The following MYO10 variants were observed in gnomAD, a reference collection of about 807,000 sequenced individuals.
MYO10 encodes unconventional myosin-X.
In MYO10, 133 loss-of-function variants were observed where a neutral mutation model predicts 257.3. The ratio of observed to expected loss-of-function variants is 0.52; its 90% CI spans 0.45 to 0.60. The LOEUF is 0.60. MYO10 is among the 20% of genes least tolerant of loss of function. The pLI is 0.00. For missense variants in MYO10, 2,399 were observed against 2,635.7 expected (o/e 0.91, Z 1.97); for synonymous variants, 1,104 against 1,028.6 (o/e 1.07, Z -1.40).
intron 1 of MYO10, among the ~76,000 whole-genome samples, chr5:16,900,928 C>G (rs1311393743): frequency 1.3e-5 from 2 of 151,936 alleles, no homozygotes; most frequent in African/African-American, 4.8e-5. Context: ...TTAGTAGAGA[C>G]GAAGTTTCAC....
intron 2 of MYO10, among the ~76,000 whole-genome samples, chr5:16,823,467 G>GTTTTTTT (rs1561003861): frequency 1.3e-3 from 5 of 3,984 alleles, no homozygotes; most frequent in Non-Finnish European, 2.3e-3. Flanking sequence ...GGGGAGTGGG[G>GTTTTTTT]ATTTTTTTTT....
At chr5:16,801,567 T>G (rs1441397622) in intron 3 of MYO10, among the ~76,000 whole-genome samples, 1 of 152,168 alleles carries the variant, frequency 6.6e-6, no homozygotes, top group Non-Finnish European at 1.5e-5. Flanking sequence ...TGTAAGAATG[T>G]AGGTGCTACT....
intron 2 of MYO10, among the ~76,000 whole-genome samples, chr5:16,839,982 G>A (rs934791615): frequency 3.3e-5 from 5 of 152,176 alleles, no homozygotes; most frequent in African/African-American, 9.7e-5. Context: ...AAGCTCAGTG[G>A]AAAAGTAAGG....
At chr5:16,858,392 T>G (rs373411141) in intron 2 of MYO10, among the ~76,000 whole-genome samples, 2 of 149,820 alleles carry the variant, frequency 1.3e-5, no homozygotes, top group African/African-American at 2.5e-5. Flanking sequence ...CATCTGTCAC[T>G]TCAACATACA....
At chr5:16,680,394 G>A (rs1236793329) in intron 32 of MYO10, among the ~76,000 whole-genome samples, 1 of 152,112 alleles carries the variant, frequency 6.6e-6, no homozygotes, top group Admixed American at 6.5e-5. Context: ...AAGGGAAAAG[G>A]GTAAGTTAAT....
intron 2 of MYO10, among the ~76,000 whole-genome samples, chr5:16,834,931 T>G (rs758776024): frequency 2.6e-5 from 4 of 152,214 alleles, no homozygotes; most frequent in Non-Finnish European, 5.9e-5. Flanking sequence ...ATCCCAACAC[T>G]TTGGGAGGCC....
At chr5:16,821,984 A>AT (rs1461346104) in intron 2 of MYO10, among the ~76,000 whole-genome samples, 2 of 151,094 alleles carry the variant, frequency 1.3e-5, no homozygotes, top group Non-Finnish European at 3.0e-5. Flanking sequence ...GTGTATTTCA[A>AT]AAAAAAAAAA....
At chr5:16,837,617 T>C (rs148731542) in intron 2 of MYO10, among the ~76,000 whole-genome samples, 3 of 152,320 alleles carry the variant, frequency 2.0e-5, no homozygotes, top group Non-Finnish European at 2.9e-5. Context: ...GTAAAGTCTA[T>C]GGTTTGTGGG....
chr5:16,691,162 C>T (rs983757951), intron 27 of MYO10, among the ~76,000 whole-genome samples: 16 of 151,062 alleles, frequency 1.1e-4, no homozygotes, highest in African/African-American at 9.7e-5. Flanking sequence ...TCCAGCTACT[C>T]GGGAGGATGA....
intron 19 of MYO10, among the ~76,000 whole-genome samples, chr5:16,723,907 A>C (rs2126603858): frequency 6.6e-6 from 1 of 152,326 alleles, no homozygotes; most frequent in East Asian, 1.9e-4. Flanking sequence ...AAGAGACAAA[A>C]CTTCAGAGAC....
At chr5:16,758,371 T>C in intron 17 of MYO10, 145 bp from the exon 18 acceptor site, 1 of 630,446 alleles carries the variant, frequency 1.6e-6, no homozygotes, top group Non-Finnish European at 2.8e-6. Flanking sequence ...CTTCCAAAGA[T>C]TTCAAACCAA....
chr5:16,772,054 T>TA (rs1741069609), intron 9 of MYO10, among the ~76,000 whole-genome samples: 1 of 151,582 alleles, frequency 6.6e-6, no homozygotes, highest in African/African-American at 2.4e-5. Context: ...TTACCTTAAT[T>TA]AACACTTTCA....
intron 19 of MYO10, among the ~76,000 whole-genome samples, chr5:16,751,099 C>T (rs985518328): frequency 2.0e-5 from 3 of 152,094 alleles, no homozygotes; most frequent in African/African-American, 4.8e-5. Context: ...TATTTGAATA[C>T]GATCTCCCAA....
At chr5:16,763,118 T>G (rs1164434681) in intron 14 of MYO10, among the ~76,000 whole-genome samples, 1 of 152,210 alleles carries the variant, frequency 6.6e-6, no homozygotes, top group Non-Finnish European at 1.5e-5. Flanking sequence ...GAAAACCAAT[T>G]AAGTTCTTAT....
At chr5:16,761,586 G>T (rs756816647) in intron 16 of MYO10, 40 bp from the exon 17 acceptor site, 2 of 1,473,036 alleles carry the variant, frequency 1.4e-6, no homozygotes, top group South Asian at 1.2e-5. Context: ...CTGATTGAAA[G>T]AATAGTTTCA....
chr5:16,739,414 C>T (rs1045446246), intron 19 of MYO10, among the ~76,000 whole-genome samples: 1 of 152,038 alleles, frequency 6.6e-6, no homozygotes, highest in African/African-American at 2.4e-5. Flanking sequence ...AGCTATACAT[C>T]CATTGTTATA....
In MYO10 at chr5:16,701,870, G is replaced by C; in HGVS notation, c.2557-32C>G. On this transcript the variant is annotated intron_variant, in intron 24 of 40. Coordinates refer to ENST00000513610, the MANE Select transcript of MYO10 (RefSeq NM_012334.3). The surrounding 1 kb of genome is among the most constrained non-coding windows in gnomAD (Gnocchi z 8.1). The stretch of plus-strand genomic sequence containing the variant: ...AGAAGCAGAAGGGAGATTTCAGAAG[G>C]CTTCAGTACAAAAGTCCAAGCATAG... 1 of 1,553,132 alleles carries C rather than the reference G, an allele frequency of 6.4e-7. No homozygotes were observed. Among genetic ancestry groups the C allele is most frequent in the South Asian group, 1.3e-5 (1 of 78,838 alleles).
chr5:16,801,081 T>C (rs187383724), intron 3 of MYO10, among the ~76,000 whole-genome samples: 231 of 152,276 alleles, frequency 1.5e-3, no homozygotes, highest in Non-Finnish European at 2.3e-3. Flanking sequence ...CATGATCTAC[T>C]TTATAGCTTT....
At chr5:16,703,836 C>T (rs372654832) in intron 22 of MYO10, among the ~76,000 whole-genome samples, 90 of 139,382 alleles carry the variant, frequency 6.5e-4, no homozygotes, top group Non-Finnish European at 9.8e-4. Context: ...GGGCTGAGAT[C>T]GCACCATTGC....
Sources: gnomAD v4.1 joint callset for allele counts (sites outside exome capture counted in the v4.1 genomes callset) on GRCh38, gnomAD v4.1.1 for gene constraint, Gnocchi (gnomAD v3.1) non-coding constraint, MANE v1.5 for transcripts, NCBI Gene and HGNC (gene_info 2026-07-23, HGNC 2026-07-21) for gene names.